ACOT12: variants seen among roughly 807,000 people sequenced by gnomAD.
ACOT12 encodes the protein acetyl-coenzyme A thioesterase.
Under a neutral mutation model 67.7 loss-of-function variants are expected in ACOT12, and 51 were observed. That is an observed-to-expected ratio of 0.75 (90% CI 0.60 to 0.95). ACOT12 has a LOEUF of 0.95. Among genes scored for constraint, ACOT12 ranks in the 40% least tolerant of loss-of-function variants. The probability of loss-of-function intolerance (pLI) is 0.00; values close to 1 mark genes in which losing one functional copy is unlikely to be tolerated. For missense variants in ACOT12, 734 were observed against 708.1 expected (o/e 1.04, Z -0.41); for synonymous variants, 251 against 244.6 (o/e 1.03, Z -0.24).
intron 4 of ACOT12, among the ~76,000 whole-genome samples, chr5:81,362,422 T>A (rs1759942505): frequency 6.6e-6 from 1 of 152,144 alleles, no homozygotes; most frequent in Non-Finnish European, 1.5e-5. Flanking sequence ...CGCCTCAGCC[T>A]CCCAAATTGC....
rs753132154 is a variant in ACOT12 at position 81,332,646 on chromosome 5, C to T, written c.1263-41G>A. The T allele has an allele frequency of 6.8e-6, 11 of 1,610,474 alleles. No individual in the cohort carries two copies. In the South Asian group the frequency reaches 1.1e-4, roughly 16 times the overall value. On this transcript the variant is annotated intron_variant, in intron 12 of 14. Transcript: ENST00000307624. Reference sequence around the variant, plus strand: ...AGTGAAAAGCAGGTATACTTTCTACCTGCTCAGGCATTCACTTCCCTTATT... The same window carrying T: ...AGTGAAAAGCAGGTATACTTTCTACTTGCTCAGGCATTCACTTCCCTTATT...
intron 6 of ACOT12, among the ~76,000 whole-genome samples, chr5:81,347,194 T>C (rs1461169215): frequency 1.3e-5 from 2 of 152,214 alleles, no homozygotes; most frequent in African/African-American, 4.8e-5. Flanking sequence ...CATAGCTCAC[T>C]GTAGCTTTGA....
In ACOT12 at chr5:81,335,930, G is replaced by A. The variant is rs180672704; in HGVS notation, c.1129-29C>T. On this transcript the variant is annotated intron_variant, in intron 11 of 14. Coordinates refer to ENST00000307624, the MANE Select transcript of ACOT12 (RefSeq NM_130767.3). ...AAAGACAACAAAAAAATTAAATTAC[G>A]AAAGAAAACTGATGCTTTTACTTTA... 742 of 1,584,856 alleles carry A rather than the reference G, an allele frequency of 4.7e-4. 6 individuals carry two copies. In the Middle Eastern group the frequency reaches 5.2e-3, roughly 11 times the overall value.
the ACOT12 span, among the ~76,000 whole-genome samples, chr5:81,323,724 G>A: frequency 7.2e-5 from 11 of 151,760 alleles, no homozygotes; most frequent in Non-Finnish European, 1.5e-4. Context: ...GTGTTTTGAG[G>A]AGAAATGTGA....
In ACOT12 at chr5:81,347,799, C is replaced by T. The variant is rs999084466; in HGVS notation, c.628G>A (p.Glu210Lys). 2.5e-6 allele frequency: 4 copies of T among 1,614,158 alleles called. No individual in the cohort carries two copies. The highest frequency in any genetic ancestry group is 3.4e-6 in the Non-Finnish European group (4 of 1,180,020). Reference protein sequence around the residue: ...TFGGQIMAWMETVATISASRL... With the variant: ...TFGGQIMAWMKTVATISASRL... ...CTTGCAGAAATAGTAGCCACTGTCT[C>T]CATCCACGCCATAATCTGGCCACCA... is the stretch of plus-strand genomic sequence containing the variant. The change falls in exon 6 of 15, where the codon GAG (glutamate) becomes AAG (lysine). Residue 210 changes from glutamate (E) to lysine (K), a missense_variant. By Grantham distance (56) the Glu-to-Lys change is moderately conservative. Transcript: ENST00000307624.
intron 5 of ACOT12, among the ~76,000 whole-genome samples, chr5:81,352,952 T>C (rs898079180): frequency 5.9e-5 from 9 of 152,228 alleles, no homozygotes; most frequent in Non-Finnish European, 1.0e-4. Flanking sequence ...TTTTTAACTA[T>C]ATGCCTTTTT....
chr5:81,371,056 G>C (rs181961502), intron 3 of ACOT12, among the ~76,000 whole-genome samples: 144 of 152,234 alleles, frequency 9.5e-4, no homozygotes, highest in Admixed American at 6.3e-3. Flanking sequence ...TTAATCATGG[G>C]ACTAGTTTCT....
intron 5 of ACOT12, among the ~76,000 whole-genome samples, chr5:81,353,740 C>T (rs981140677): frequency 6.6e-6 from 1 of 152,176 alleles, no homozygotes; most frequent in Non-Finnish European, 1.5e-5. Context: ...CTTTTCTTTT[C>T]TTCCGAAAGG....
At chr5:81,366,869 G>A (rs11954484) in intron 3 of ACOT12, among the ~76,000 whole-genome samples, 3,917 of 152,158 alleles carry the variant, frequency 0.026, 100 homozygotes, top group African/African-American at 0.058. Flanking sequence ...AAGGAAGACT[G>A]AAAGAAGAAA....
chr5:81,311,265 A>T, the ACOT12 span: 1 of 1,614,100 alleles, frequency 6.2e-7, no homozygotes, highest in Non-Finnish European at 8.5e-7. Flanking sequence ...GATTGCCCTG[A>T]AAGTCAGAAT....
At chr5:81,362,776 C>T (rs1561340129) in intron 4 of ACOT12, among the ~76,000 whole-genome samples, 1 of 152,156 alleles carries the variant, frequency 6.6e-6, no homozygotes, top group African/African-American at 2.4e-5. Context: ...AGATTCCACA[C>T]TAGTGATTCT....
chr5:81,352,666 A>G (rs1759589264), intron 5 of ACOT12, among the ~76,000 whole-genome samples: 1 of 152,160 alleles, frequency 6.6e-6, no homozygotes, highest in African/African-American at 2.4e-5. Context: ...GAAAGAATGA[A>G]TAAGACCTAG....
rs775328911 is a variant in ACOT12, at chr5:81,330,874, G to A, written c.1458C>T (p.Ile486=). ...LPSVPPSPQY[I]RSEIICAGFL... ...ATCCGGCACATATGATTTCACTTCT[G>A]ATGTACTGTGGAGACGGGGGGACCG... Residue 486 remains isoleucine (I), a synonymous_variant, in exon 14 of 15, where the codon ATC becomes ATT. Transcript: ENST00000307624. 6.2e-7 allele frequency: 1 copy of A among 1,614,040 alleles called. No homozygotes were observed. The highest frequency in any genetic ancestry group is 2.2e-5 in the East Asian group (1 of 44,888).
intron 11 of ACOT12, among the ~76,000 whole-genome samples, chr5:81,339,109 A>G (rs537525079): frequency 6.6e-6 from 1 of 152,334 alleles, no homozygotes; most frequent in South Asian, 2.1e-4. Context: ...GGAAACAACT[A>G]AAAATTTGAG....
chr5:81,310,033 A>G, the ACOT12 span, among the ~76,000 whole-genome samples: 1 of 152,084 alleles, frequency 6.6e-6, no homozygotes, highest in African/African-American at 2.4e-5. Flanking sequence ...TCACTATGGC[A>G]TATAAAGAGG....
chr5:81,356,670 C>G (rs899700660), intron 5 of ACOT12, among the ~76,000 whole-genome samples: 4 of 152,084 alleles, frequency 2.6e-5, no homozygotes, highest in African/African-American at 9.7e-5. Flanking sequence ...CATGGCACAA[C>G]TGCTAACCAG....
chr5:81,371,822 C>T lies in ACOT12; in HGVS notation c.198-12G>A. 1.2e-6 allele frequency: 2 copies of T among 1,612,060 alleles called. No homozygotes were observed. Among genetic ancestry groups the T allele is most frequent in the Non-Finnish European group, 8.5e-7 (1 of 1,178,814 alleles). On this transcript the variant is annotated splice_polypyrimidine_tract_variant and intron_variant, in intron 2 of 14. Coordinates refer to ENST00000307624, the MANE Select transcript of ACOT12 (RefSeq NM_130767.3). Reference sequence around the variant, plus strand: ...TAACTTGTCCAACTCTAGGGAAAAACAAACAAAAAAACCTCAGTAGTTTTA... The same window carrying T: ...TAACTTGTCCAACTCTAGGGAAAAATAAACAAAAAAACCTCAGTAGTTTTA...
Position 81,358,028 on chromosome 5 carries a change from AAAG to A in ACOT12, c.496+1872_496+1874del, listed in dbSNP as rs1285887871. On this transcript the variant is annotated intron_variant, in intron 5 of 14. Coordinates refer to ENST00000307624, the MANE Select transcript of ACOT12 (RefSeq NM_130767.3). ...CTCACAAAAAAAAAAAAAAAAAAAA[AAAG>A]AAGAAGAAGAAAAACAACTGTATTT... 8.8e-5 allele frequency among the ~76,000 whole-genome samples: 12 copies of A among 137,088 alleles called. No homozygotes were observed. In the East Asian group the frequency reaches 9.7e-4, roughly 11 times the overall value. The allele number at this position is 137,088 out of a possible 152,430, so 89.9% of individuals were successfully genotyped here. A position where few individuals can be genotyped will look rare whatever the true frequency, so the allele number is the denominator to read the frequency against.
intron 11 of ACOT12, among the ~76,000 whole-genome samples, chr5:81,341,710 G>A (rs4235653): frequency 0.3 from 45,044 of 152,096 alleles, 7,492 homozygotes; most frequent in Non-Finnish European, 0.38. Flanking sequence ...GTGGGCATGA[G>A]CTTCCGAGGG....
Sources: gnomAD v4.1 joint callset for allele counts (sites outside exome capture counted in the v4.1 genomes callset) on GRCh38, gnomAD v4.1.1 for gene constraint, MANE v1.5 for transcripts, NCBI Gene and HGNC (gene_info 2026-07-23, HGNC 2026-07-21) for gene names.